Variants in SLC39A8 observed in about 807,000 individuals in gnomAD.
The protein encoded by SLC39A8 is solute carrier family 39 member 8.
SLC39A8 carries 15 observed loss-of-function variants against 40.4 expected under a neutral mutation model. The observed-to-expected ratio is 0.37, with a 90% CI of 0.25 to 0.57. The LOEUF is 0.57. Among genes scored for constraint, SLC39A8 ranks in the 20% least tolerant of loss-of-function variants. SLC39A8 has a pLI of 0.75. For missense variants in SLC39A8, 472 were observed against 558.8 expected (o/e 0.84, Z 1.57); for synonymous variants, 223 against 221.6 (o/e 1.01, Z -0.06).
intron 6 of SLC39A8, among the ~76,000 whole-genome samples, chr4:102,303,393 T>G (rs1479333435): frequency 6.6e-6 from 1 of 151,986 alleles, no homozygotes; most frequent in Admixed American, 6.6e-5. Flanking sequence ...AGTGATCATC[T>G]AATTCAAGCT....
At chr4:102,338,609 T>C (rs1172877148) in intron 2 of SLC39A8, among the ~76,000 whole-genome samples, 2 of 152,236 alleles carry the variant, frequency 1.3e-5, no homozygotes, top group Non-Finnish European at 2.9e-5. Flanking sequence ...AGGCAGTCGA[T>C]GACTAGTAAC....
chr4:102,274,354 A>C (rs1157066236), intron 6 of SLC39A8, among the ~76,000 whole-genome samples: 1 of 152,224 alleles, frequency 6.6e-6, no homozygotes, highest in Non-Finnish European at 1.5e-5. Context: ...GTATATCAGA[A>C]ATTGAAGATC....
At chr4:102,304,920 T>C (rs978186975) in intron 5 of SLC39A8, 69 bp downstream of exon 5, 202 of 1,352,708 alleles carry the variant, frequency 1.5e-4, no homozygotes, top group Non-Finnish European at 2.0e-4. Context: ...AAAATTTCTG[T>C]CTTTATTTGC....
chr4:102,325,225 C>CA (rs1560564805), intron 2 of SLC39A8, among the ~76,000 whole-genome samples: 1 of 152,040 alleles, frequency 6.6e-6, no homozygotes, highest in Non-Finnish European at 1.5e-5. Flanking sequence ...AGGTTTAAGC[C>CA]AAGAACACTC....
intron 2 of SLC39A8, among the ~76,000 whole-genome samples, chr4:102,329,531 G>A (rs990743460): frequency 2.0e-5 from 3 of 151,494 alleles, no homozygotes; most frequent in Non-Finnish European, 4.4e-5. Context: ...GCTGAGACAG[G>A]AGAATTGCTT....
At position 102,301,779 on chromosome 4, in the gene SLC39A8, C is replaced by G. The variant is rs182411285; in HGVS notation, c.840+2538G>C. On this transcript the variant is annotated intron_variant, in intron 6 of 8. Transcript: ENST00000356736. Reference sequence around the variant, plus strand: ...CCCATAGCTAATCCTAAATCAGGAGCCTTAAATCTTTAACTAAAATATAAC... The same window carrying G: ...CCCATAGCTAATCCTAAATCAGGAGGCTTAAATCTTTAACTAAAATATAAC... 3.9e-5 allele frequency among the ~76,000 whole-genome samples: 6 copies of G among 152,050 alleles called. No individual in the cohort carries two copies. The East Asian group carries it at 7.8e-4, about 20-fold the overall frequency.
At position 102,344,465 on chromosome 4, in the gene SLC39A8, A is replaced by C; in HGVS notation, c.198T>G (p.Pro66=). 1.9e-6 allele frequency: 3 copies of C among 1,543,546 alleles called. No individual in the cohort carries two copies. Among genetic ancestry groups the C allele is most frequent in the Non-Finnish European group, 2.6e-6 (3 of 1,144,028 alleles). ...GAASRVGVPE[P]GQLHFNQCLT... is the part of the protein sequence containing the mutation. ...TTACCTGGTTGAAGTGCAGCTGGCC[A>C]GGCTCCGGGACGCCCACGCGGGAGG... Residue 66 remains proline, a synonymous_variant, in exon 2 of 9, where the codon CCT becomes CCG. Coordinates refer to ENST00000356736, the MANE Select transcript of SLC39A8 (RefSeq NM_001135146.2).
chr4:102,326,945 G>A (rs2149048636), intron 2 of SLC39A8, among the ~76,000 whole-genome samples: 1 of 152,064 alleles, frequency 6.6e-6, no homozygotes, highest in East Asian at 1.9e-4. Flanking sequence ...TGCAACCCTT[G>A]CACACACACA....
chr4:102,305,860 GT>G (rs1417268684), intron 4 of SLC39A8, among the ~76,000 whole-genome samples: 1 of 151,938 alleles, frequency 6.6e-6, no homozygotes. Flanking sequence ...AGACTAATGG[GT>G]GAAAAGCCAC....
chr4:102,333,256 C>T (rs896921153), intron 2 of SLC39A8, among the ~76,000 whole-genome samples: 1 of 152,014 alleles, frequency 6.6e-6, no homozygotes, highest in African/African-American at 2.4e-5. Context: ...AGACTGGATG[C>T]AGAGGGCGGC....
chr4:102,265,418 T>C (rs533120844), intron 8 of SLC39A8, among the ~76,000 whole-genome samples: 1 of 152,286 alleles, frequency 6.6e-6, no homozygotes, highest in Admixed American at 6.5e-5. Context: ...AGTAACATCA[T>C]AGATCACTGA....
At chr4:102,266,587 TTC>T (rs1437914005) in intron 8 of SLC39A8, among the ~76,000 whole-genome samples, 2 of 152,068 alleles carry the variant, frequency 1.3e-5, no homozygotes, top group South Asian at 2.1e-4. Flanking sequence ...GCACAGGATA[TTC>T]TCTCTCTTAC....
At chr4:102,297,480 C>T (rs1400488925) in intron 6 of SLC39A8, among the ~76,000 whole-genome samples, 1 of 151,988 alleles carries the variant, frequency 6.6e-6, no homozygotes, top group African/African-American at 2.4e-5. Flanking sequence ...CAGAATTAGC[C>T]AATCTTTAGA....
At chr4:102,320,257 GTATA>G (rs1293708862) in intron 2 of SLC39A8, among the ~76,000 whole-genome samples, 1 of 129,482 alleles carries the variant, frequency 7.7e-6, no homozygotes, top group Non-Finnish European at 1.6e-5. Flanking sequence ...ATATATATGA[GTATA>G]TATATGAGAA....
chr4:102,265,653 A>C (rs946096007), intron 8 of SLC39A8, among the ~76,000 whole-genome samples: 5 of 152,236 alleles, frequency 3.3e-5, no homozygotes, highest in African/African-American at 1.2e-4. Context: ...CTCCTGTAAT[A>C]GAATGCTGGG....
intron 6 of SLC39A8, among the ~76,000 whole-genome samples, chr4:102,276,443 G>A (rs1192295388): frequency 6.6e-6 from 1 of 152,138 alleles, no homozygotes; most frequent in East Asian, 1.9e-4. Context: ...CCAGGAAGAA[G>A]TCGAAACCCT....
rs1048862420 is a variant in SLC39A8 at position 102,252,455 on chromosome 4, G to A, written c.*1274C>T. 2.6e-5 allele frequency: 4 copies of A among 152,312 alleles called. 1 individual carries two copies. Among genetic ancestry groups the A allele is most frequent in the African/African-American group, 9.7e-5 (4 of 41,432 alleles). 9.4% of individuals were successfully genotyped at this position (152,312 alleles called of 1,614,324 possible). A position where few individuals can be genotyped will look rare whatever the true frequency, so the allele number is the denominator to read the frequency against. ...CATCTGGGGACAGGGAGTGGCCCAG[G>A]GAGGAGTTGGACATCAGAATTTAGA... is the stretch of plus-strand genomic sequence containing the variant. On this transcript the variant is annotated 3_prime_UTR_variant and NMD_transcript_variant, in exon 12 of 12. Transcript: ENST00000424970.
intron 6 of SLC39A8, among the ~76,000 whole-genome samples, chr4:102,299,158 A>G (rs1466770403): frequency 6.6e-6 from 1 of 152,014 alleles, no homozygotes; most frequent in Non-Finnish European, 1.5e-5. Flanking sequence ...CCACTTCCCA[A>G]GTGATAGCCA....
At chr4:102,340,066 G>A (rs1288379894) in intron 2 of SLC39A8, among the ~76,000 whole-genome samples, 2 of 152,110 alleles carry the variant, frequency 1.3e-5, no homozygotes, top group South Asian at 2.1e-4. Context: ...ATAATTATAT[G>A]TGCATATGTC....
Sources: allele counts gnomAD v4.1 joint callset (sites outside exome capture counted in the v4.1 genomes callset), GRCh38; gene constraint gnomAD v4.1.1; transcripts MANE v1.5; gene names NCBI Gene and HGNC (gene_info 2026-07-23, HGNC 2026-07-21).